The following PCLO variants were observed in gnomAD, a reference collection of about 807,000 sequenced individuals.
PCLO encodes piccolo presynaptic cytomatrix protein.
A neutral mutation model predicts 427.5 loss-of-function variants in PCLO; 82 were observed. That is an observed-to-expected ratio of 0.19 (90% CI 0.16 to 0.23). The LOEUF is 0.23. PCLO is among the 10% of genes least tolerant of loss of function. The probability of loss-of-function intolerance (pLI) is 1.00; values close to 1 mark genes in which losing one functional copy is unlikely to be tolerated. For missense variants in PCLO, 6,239 were observed against 6,115.9 expected, an observed-to-expected ratio of 1.02 and a Z score of -0.67; for synonymous variants, 2,357 against 2,155.4, an observed-to-expected ratio of 1.09 and a Z score of -2.59.
At chr7:83,025,066 C>T (rs1044750491) in intron 3 of PCLO, among the ~76,000 whole-genome samples, 10 of 152,282 alleles carry the variant, frequency 6.6e-5, no homozygotes, top group African/African-American at 1.9e-4. Context: ...TCCAAAGGAA[C>T]GCAGTTCCTC....
intron 9 of PCLO, among the ~76,000 whole-genome samples, chr7:82,887,962 C>A (rs571019277): frequency 6.6e-6 from 1 of 151,684 alleles, no homozygotes; most frequent in Non-Finnish European, 1.5e-5. Flanking sequence ...CCCACTTATT[C>A]GGGAGGCTGA....
rs759634833 is a variant in PCLO, at chr7:82,822,733, TTCC to T, written c.14597-47_14597-45del. ...AACATGAGTTAAAGTTGTTCCAGCA[TTCC>T]TCCTATCAAGCTTGGTTTACACATA... On this transcript the variant is annotated intron_variant, in intron 19 of 24. Coordinates refer to ENST00000333891, the MANE Select transcript of PCLO (RefSeq NM_033026.6). 18 of 1,545,362 alleles carry T rather than the reference TTCC, an allele frequency of 1.2e-5. No individual in the cohort carries two copies. In the Admixed American group the frequency reaches 2.8e-4, roughly 24 times the overall value.
At chr7:82,978,345 CA>C (rs1360679257) in intron 3 of PCLO, among the ~76,000 whole-genome samples, 1 of 151,858 alleles carries the variant, frequency 6.6e-6, no homozygotes, top group Non-Finnish European at 1.5e-5. Context: ...ATTAAATATT[CA>C]AACAGGAAGA....
At chr7:83,093,492 A>ATATATTTTTTTTTTTTTT in intron 3 of PCLO, among the ~76,000 whole-genome samples, 11 of 59,318 alleles carry the variant, frequency 1.9e-4, no homozygotes, top group Admixed American at 5.8e-4. Context: ...ATATATATAT[A>ATATATTTTTTTTTTTTTT]TTTTTTTTTT....
At position 82,953,840 on chromosome 7, in the gene PCLO, T is replaced by C; in HGVS notation, c.7113A>G (p.Lys2371=). 1 of 1,612,934 alleles carries C rather than the reference T, an allele frequency of 6.2e-7. No individual in the cohort carries two copies. The highest frequency in any genetic ancestry group is 1.1e-5 in the South Asian group (1 of 91,012). ...FTSGETFGQE[K]PASQLPSGSP... Reference sequence around the variant, plus strand: ...TGCCAGATGGTAACTGAGATGCAGGTTTTTCCTGACCAAAGGTCTCTCCAG... The same window carrying C: ...TGCCAGATGGTAACTGAGATGCAGGCTTTTCCTGACCAAAGGTCTCTCCAG... The change falls in exon 5 of 25, where the codon AAA becomes AAG. Residue 2371 remains lysine (K), a synonymous_variant. Transcript: ENST00000333891.
intron 8 of PCLO, 86 bp downstream of exon 8, chr7:82,908,791 T>A: frequency 8.7e-7 from 1 of 1,148,004 alleles, no homozygotes; most frequent in Non-Finnish European, 1.3e-6. Context: ...AACATCTCAT[T>A]CCTTTTAGGA....
intron 22 of PCLO, among the ~76,000 whole-genome samples, chr7:82,777,636 G>A (rs983148195): frequency 3.3e-5 from 5 of 151,996 alleles, no homozygotes; most frequent in African/African-American, 9.7e-5. Context: ...TGACAAAAAC[G>A]AGCAATGGGA....
At chr7:82,802,347 G>A (rs1791372112) in intron 21 of PCLO, among the ~76,000 whole-genome samples, 1 of 152,048 alleles carries the variant, frequency 6.6e-6, no homozygotes, top group African/African-American at 2.4e-5. Context: ...ATATTAACAG[G>A]TAGGCATGCT....
At position 82,953,210 on chromosome 7, in the gene PCLO, T is replaced by C; in HGVS notation, c.7743A>G (p.Val2581=). The part of the protein sequence containing the change: ...RFSKSLTETY[V]VITLPSEPGT... ...CTGGTTCAGATGGCAATGTAATAAC[T>C]ACATAAGTTTCTGTGAGGGATTTGG... The change falls in exon 5 of 25, where the codon GTA becomes GTG. Residue 2581 remains valine, a synonymous_variant. Transcript: ENST00000333891. 6.2e-7 allele frequency: 1 copy of C among 1,613,962 alleles called. No individual in the cohort carries two copies. Among genetic ancestry groups the C allele is most frequent in the Non-Finnish European group, 8.5e-7 (1 of 1,179,870 alleles).
At chr7:83,117,553 TG>T (rs1262761306) in intron 3 of PCLO, among the ~76,000 whole-genome samples, 6 of 152,220 alleles carry the variant, frequency 3.9e-5, no homozygotes, top group African/African-American at 1.2e-4. Flanking sequence ...TATCTCTCTC[TG>T]GGACAAAATC....
chr7:82,963,330 A>G (rs1795694220), intron 4 of PCLO, among the ~76,000 whole-genome samples: 1 of 152,108 alleles, frequency 6.6e-6, no homozygotes, highest in Admixed American at 6.5e-5. Context: ...ATTTGTTGAA[A>G]AAGTATTTTA....
chr7:82,956,040 T>A lies in PCLO; in HGVS notation c.4913A>T (p.Asp1638Val). 6.2e-7 allele frequency: 1 copy of A among 1,613,034 alleles called. No homozygotes were observed. The highest frequency in any genetic ancestry group is 2.2e-5 in the East Asian group (1 of 44,884). ...SWHDEDDEAF[D>V]ESPELKYRET... ...TCTGTATTTAAGTTCAGGACTTTCATCAAATGCTTCATCGTCTTCATCATG... is the reference window on the plus strand; with the variant it reads ...TCTGTATTTAAGTTCAGGACTTTCAACAAATGCTTCATCGTCTTCATCATG... Residue 1638 changes from aspartate (D) to valine (V), a missense_variant, in exon 5 of 25, where the codon GAT (aspartate) becomes GTT (valine). Physicochemically the swap from Asp to Val is radical, Grantham distance 152. Around this residue, in one of 5 missense-constraint regions of PCLO, gnomAD observed 4,677 missense variants for 4,468.4 expected, o/e 1.05. Coordinates refer to ENST00000333891, the MANE Select transcript of PCLO (RefSeq NM_033026.6).
At chr7:82,899,686 A>G (rs1010414297) in intron 9 of PCLO, among the ~76,000 whole-genome samples, 1 of 151,558 alleles carries the variant, frequency 6.6e-6, no homozygotes, top group Non-Finnish European at 1.5e-5. Flanking sequence ...TGAAATTTAT[A>G]TACAGAAGAA....
At chr7:82,840,350 T>C (rs1383509397) in intron 14 of PCLO, among the ~76,000 whole-genome samples, 1 of 152,088 alleles carries the variant, frequency 6.6e-6, no homozygotes, top group African/African-American at 2.4e-5. Flanking sequence ...TGCTTTGTAG[T>C]AGGTTCCTGG....
rs754020885 is a variant in PCLO at position 82,955,724 on chromosome 7, A to G, written c.5229T>C (p.Ser1743=). ...SVSSLDEDSD[S]SPSHKKGESK... is the part of the protein sequence containing the mutation. ...TCTCTCCTTTTTTGTGACTCGGGCTACTGTCACTGTCCTCATCAAGTGATG... is the reference window on the plus strand; with the variant it reads ...TCTCTCCTTTTTTGTGACTCGGGCTGCTGTCACTGTCCTCATCAAGTGATG... Residue 1743 remains serine (S), a synonymous_variant, in exon 5 of 25, where the codon AGT becomes AGC. Transcript: ENST00000333891. 6.2e-7 allele frequency: 1 copy of G among 1,613,862 alleles called. No homozygotes were observed. Among genetic ancestry groups the G allele is most frequent in the South Asian group, 1.1e-5 (1 of 91,074 alleles).
intron 3 of PCLO, 28 bp downstream of exon 3, chr7:83,134,218 AATAT>A (rs61658777): frequency 3.5e-3 from 1,510 of 427,966 alleles, no homozygotes; most frequent in Middle Eastern, 5.4e-3. Context: ...CTCCATATGT[AATAT>A]ATATATATAT....
intron 10 of PCLO, among the ~76,000 whole-genome samples, chr7:82,860,594 T>C (rs924439077): frequency 6.6e-5 from 10 of 151,980 alleles, no homozygotes; most frequent in Admixed American, 1.3e-4. Flanking sequence ...AGGACAGTAA[T>C]GAGCAATAAA....
intron 3 of PCLO, among the ~76,000 whole-genome samples, chr7:83,077,024 A>ATT (rs1454947437): frequency 6.6e-6 from 1 of 151,316 alleles, no homozygotes; most frequent in Non-Finnish European, 1.5e-5. Flanking sequence ...ATGCATTGAT[A>ATT]TATATATATA....
chr7:82,935,010 C>A (rs1584178549), intron 6 of PCLO, among the ~76,000 whole-genome samples: 1 of 150,838 alleles, frequency 6.6e-6, no homozygotes, highest in East Asian at 1.9e-4. Context: ...ACCAAATATG[C>A]TTATGAGAAG....
Sources: gnomAD v4.1 joint callset for allele counts (sites outside exome capture counted in the v4.1 genomes callset) on GRCh38, gnomAD v4.1.1 for gene constraint, gnomAD v4.1.1 regional missense constraint, MANE v1.5 for transcripts, NCBI Gene and HGNC (gene_info 2026-07-23, HGNC 2026-07-21) for gene names.